Variants in CKAP2 observed in about 807,000 individuals in gnomAD.
The protein encoded by CKAP2 is cytoskeleton associated protein 2.
A neutral mutation model predicts 58.4 loss-of-function variants in CKAP2; 46 were observed. The observed-to-expected ratio is 0.79, with a 90% CI of 0.62 to 1.01. The LOEUF (loss-of-function observed/expected upper bound fraction) is 1.01. Among genes scored for constraint, CKAP2 ranks in the 50% least tolerant of loss-of-function variants. The pLI, the probability that CKAP2 is intolerant of heterozygous loss-of-function variation, is 0.00. For synonymous variants in CKAP2, 293 were observed against 280.9 expected, an observed-to-expected ratio of 1.04 and a Z score of -0.43; for missense variants, 809 against 796.4, an observed-to-expected ratio of 1.02 and a Z score of -0.19.
chr13:52,456,003 T>G (rs1225047174), intron 1 of CKAP2: 3 of 1,067,754 alleles, frequency 2.8e-6, no homozygotes, highest in Non-Finnish European at 3.4e-6. Flanking sequence ...GCCTCTTAGG[T>G]CCCTAGCGAA....
chr13:52,457,235 A>C (rs1040558667), intron 2 of CKAP2, among the ~76,000 whole-genome samples: 2 of 152,066 alleles, frequency 1.3e-5, no homozygotes, highest in African/African-American at 4.8e-5. Flanking sequence ...ACAGTCTAAG[A>C]GAAAAAAACA....
Position 52,461,851 on chromosome 13 carries a change from A to T in CKAP2, c.1025A>T (p.Gln342Leu). 1 of 1,614,168 alleles carries T rather than the reference A, an allele frequency of 6.2e-7. No individual in the cohort carries two copies. Among genetic ancestry groups the T allele is most frequent in the Non-Finnish European group, 8.5e-7 (1 of 1,180,004 alleles). ...ATGGAAAAGTCAGAGCCCGTTGACC[A>T]GCGAAGACATACTGCAGGAAAAGCA... is the stretch of plus-strand genomic sequence containing the variant. The part of the protein sequence containing the change: ...KLMEKSEPVD[Q>L]RRHTAGKAIV... The change falls in exon 4 of 9, where the codon CAG becomes CTG. Residue 342 changes from glutamine to leucine, a missense_variant. Physicochemically the swap from Gln to Leu is moderately radical, Grantham distance 113. Transcript: ENST00000258607.
chr13:52,461,532 A>G lies in CKAP2; in HGVS notation c.706A>G (p.Thr236Ala), dbSNP rs762690890. Reference sequence around the variant, plus strand: ...GAAAAGTAATAGATCCTCCAATATGACTGCCACTACTAAATTTGTGAGCAC... The same window carrying G: ...GAAAAGTAATAGATCCTCCAATATGGCTGCCACTACTAAATTTGTGAGCAC... ...TVKSNRSSNM[T>A]ATTKFVSTTS... Residue 236 changes from threonine to alanine, a missense_variant, in exon 4 of 9, where the codon ACT becomes GCT. Thr to Ala is a moderately conservative substitution (Grantham distance 58, BLOSUM62 0). Transcript: ENST00000258607. 6.2e-7 allele frequency: 1 copy of G among 1,614,146 alleles called. No homozygotes were observed. Among genetic ancestry groups the G allele is most frequent in the Non-Finnish European group, 8.5e-7 (1 of 1,180,034 alleles).
rs1484894863 is a variant in CKAP2 at position 52,455,561 on chromosome 13, G to A, written c.5G>A (p.Ser2Asn). 1.9e-6 allele frequency: 3 copies of A among 1,612,842 alleles called. No homozygotes were observed. The highest frequency in any genetic ancestry group is 1.1e-5 in the South Asian group (1 of 91,084). Reference protein sequence around the residue: MSTPAVPQDLQL... With the variant: MNTPAVPQDLQL... The stretch of plus-strand genomic sequence containing the variant: ...ATCCCCCGACCCGAGGCTACGATGA[G>A]CACACCGGCCGTGCCCCAGGACCTG... Residue 2 changes from serine (S) to asparagine (N), a missense_variant, in exon 1 of 9, where the codon AGC (serine) becomes AAC (asparagine). Ser to Asn is a conservative substitution (Grantham distance 46). This residue lies in a region of CKAP2 where 523 missense variants were observed against 492.4 expected (regional missense o/e 1.06). Transcript: ENST00000258607.
Position 52,462,491 on chromosome 13 carries a change from CAGA to C in CKAP2, c.1236_1238del (p.Glu412del), listed in dbSNP as rs751156092. The C allele has an allele frequency of 1.9e-6, 3 of 1,613,898 alleles. No individual in the cohort carries two copies. Among genetic ancestry groups the C allele is most frequent in the East Asian group, 2.2e-5 (1 of 44,874 alleles). Reference sequence around the variant, plus strand: ...GTTGGGTCTTTTTGGACTACCATGGCAGAAGAAGATGAACAAAGATTATTTACT... The same window carrying C: ...GTTGGGTCTTTTTGGACTACCATGGCAGAAGATGAACAAAGATTATTTACT... On this transcript the variant is annotated inframe_deletion, in exon 5 of 9. Transcript: ENST00000258607.
rs1354007984 is a variant in CKAP2, at chr13:52,475,654, G to T, written c.*513G>T. The T allele has an allele frequency of 2.0e-5, 3 of 152,392 alleles. No individual in the cohort carries two copies. The East Asian group carries it at 5.8e-4, about 29-fold the overall frequency. 9.4% of individuals were successfully genotyped at this position (152,392 alleles called of 1,614,324 possible). On this transcript the variant is annotated 3_prime_UTR_variant, in exon 9 of 9. Coordinates refer to ENST00000258607, the MANE Select transcript of CKAP2 (RefSeq NM_018204.5). ...TACTAAGACACAGGAGGTTTAGCCTGCTTTCTTACCAAATTCATGTTACCC... is the reference window on the plus strand; with the variant it reads ...TACTAAGACACAGGAGGTTTAGCCTTCTTTCTTACCAAATTCATGTTACCC...
Position 52,456,518 on chromosome 13 carries a change from TC to T in CKAP2, c.71-4del. 1 of 1,605,290 alleles carries T rather than the reference TC, an allele frequency of 6.2e-7. No homozygotes were observed. The highest frequency in any genetic ancestry group is 1.3e-5 in the African/African-American group (1 of 74,622). On this transcript the variant is annotated splice_region_variant and splice_polypyrimidine_tract_variant and intron_variant, in intron 1 of 8. Coordinates refer to ENST00000258607, the MANE Select transcript of CKAP2 (RefSeq NM_018204.5). ...TGACTTGTAGCTCTTACCTTTGTTA[TC>T]TAGAGCAAAGAAGACAAAAACTCAA...
chr13:52,470,929 G>A (rs1958753070), intron 7 of CKAP2, among the ~76,000 whole-genome samples: 1 of 152,048 alleles, frequency 6.6e-6, no homozygotes, highest in African/African-American at 2.4e-5. Flanking sequence ...GGAGGCCTAG[G>A]CGGGTGGATC....
rs1238983071 is a variant in CKAP2 at position 52,468,282 on chromosome 13, T to C, written c.1481T>C (p.Ile494Thr). 3.2e-6 allele frequency: 5 copies of C among 1,586,312 alleles called. No individual in the cohort carries two copies. The change falls in exon 7 of 9, where the codon ATT becomes ACT. Residue 494 changes from isoleucine (I) to threonine (T), a missense_variant. Coordinates refer to ENST00000258607, the MANE Select transcript of CKAP2 (RefSeq NM_018204.5). The part of the protein sequence containing the change: ...EKAILAGAQP[I>T]EEMRHTIVDI... The stretch of plus-strand genomic sequence containing the variant: ...TTCTTCATTAAAAAAATTAAGCCTA[T>C]TGAAGAGATGCGACACACGATTGTA...
At chr13:52,460,874 A>G (rs1199596689) in intron 2 of CKAP2, 25 bp from the exon 3 acceptor site, 1 of 1,604,394 alleles carries the variant, frequency 6.2e-7, no homozygotes, top group Admixed American at 1.7e-5. Context: ...TTGATTGATC[A>G]TTTTGTTTGT....
intron 2 of CKAP2, among the ~76,000 whole-genome samples, chr13:52,459,878 T>C (rs1958542969): frequency 6.6e-6 from 1 of 152,114 alleles, no homozygotes; most frequent in Admixed American, 6.6e-5. Context: ...CGTTCTTTTT[T>C]TTGAGAGATG....
chr13:52,461,799 C>A lies in CKAP2; in HGVS notation c.973C>A (p.Pro325Thr), dbSNP rs1456646655. 3 of 1,613,972 alleles carry A rather than the reference C, an allele frequency of 1.9e-6. No individual in the cohort carries two copies. The highest frequency in any genetic ancestry group is 3.3e-5 in the Admixed American group (2 of 60,012). ...RSIASEVIAR[P>T]ASLSNDKLME... is the part of the protein sequence containing the mutation. ...CATAGCATCTGAAGTTATAGCCAGGCCTGCTTCATTGTCTAATGATAAACT... is the reference window on the plus strand; with the variant it reads ...CATAGCATCTGAAGTTATAGCCAGGACTGCTTCATTGTCTAATGATAAACT... The change falls in exon 4 of 9, where the codon CCT becomes ACT. Residue 325 changes from proline (P) to threonine (T), a missense_variant. This residue lies in a region of CKAP2 where 523 missense variants were observed against 492.4 expected (regional missense o/e 1.06). Transcript: ENST00000258607.
chr13:52,473,216 A>G (rs773651201), intron 7 of CKAP2, among the ~76,000 whole-genome samples: 12 of 152,132 alleles, frequency 7.9e-5, no homozygotes, highest in Admixed American at 2.6e-4. Flanking sequence ...ACATTGACCA[A>G]ATTTAATTAT....
At chr13:52,472,159 C>G (rs1361656849) in intron 7 of CKAP2, among the ~76,000 whole-genome samples, 1 of 152,080 alleles carries the variant, frequency 6.6e-6, no homozygotes, top group Non-Finnish European at 1.5e-5. Flanking sequence ...TATACCATCC[C>G]CTCTCCTCTC....
intron 5 of CKAP2, among the ~76,000 whole-genome samples, chr13:52,464,718 C>T (rs960024168): frequency 6.6e-6 from 1 of 151,972 alleles, no homozygotes; most frequent in Non-Finnish European, 1.5e-5. Flanking sequence ...TGTTTCCTGA[C>T]TGCTCTTTAA....
chr13:52,465,688 T>A lies in CKAP2; in HGVS notation c.1476+223T>A, dbSNP rs1161487781. 9.5e-6 allele frequency: 6 copies of A among 629,464 alleles called. No homozygotes were observed. The Admixed American group carries it at 1.3e-4, about 14-fold the overall frequency. 39.0% of individuals were successfully genotyped at this position (629,464 alleles called of 1,614,324 possible). The stretch of plus-strand genomic sequence containing the variant: ...CAGATTTTAGAAAATGGATATAAGC[T>A]GAAATGTATATTTAATGAAACTTTC... On this transcript the variant is annotated intron_variant, in intron 6 of 8. Transcript: ENST00000258607.
chr13:52,466,488 T>C (rs1322298992), intron 6 of CKAP2, among the ~76,000 whole-genome samples: 4 of 152,234 alleles, frequency 2.6e-5, no homozygotes, highest in African/African-American at 9.6e-5. Context: ...ATGGTAATTA[T>C]ATTTGACAGA....
rs1306675311 is a variant in CKAP2, at chr13:52,461,303, T to C, written c.477T>C (p.Thr159=). 6.2e-7 allele frequency: 1 copy of C among 1,613,898 alleles called. No individual in the cohort carries two copies. The highest frequency in any genetic ancestry group is 1.1e-5 in the South Asian group (1 of 91,044). ...LKNNSKKKQM[T]TEKQKQDANM... ...ACAATAGTAAAAAGAAACAAATGACTACAGAAAAACAAAAGCAAGATGCTA... is the reference window on the plus strand; with the variant it reads ...ACAATAGTAAAAAGAAACAAATGACCACAGAAAAACAAAAGCAAGATGCTA... Residue 159 remains threonine, a synonymous_variant, in exon 4 of 9, where the codon ACT becomes ACC. Coordinates refer to ENST00000258607, the MANE Select transcript of CKAP2 (RefSeq NM_018204.5).
intron 1 of CKAP2, chr13:52,455,846 G>A: frequency 1.2e-6 from 1 of 835,392 alleles, no homozygotes; most frequent in Non-Finnish European, 1.6e-6. Flanking sequence ...GTCGCTGCTG[G>A]CTGGGATGGG....
Sources: gnomAD v4.1 joint callset for allele counts (sites outside exome capture counted in the v4.1 genomes callset) on GRCh38, gnomAD v4.1.1 for gene constraint, gnomAD v4.1.1 regional missense constraint, MANE v1.5 for transcripts, NCBI Gene and HGNC (gene_info 2026-07-23, HGNC 2026-07-21) for gene names.